RAD54L2: variants seen among roughly 807,000 people sequenced by gnomAD.
RAD54L2 encodes RAD54 like 2, also known as helicase ARIP4.
In RAD54L2, 27 loss-of-function variants were observed where a neutral mutation model predicts 138.4. The ratio of observed to expected loss-of-function variants is 0.20; its 90% confidence interval spans 0.14 to 0.27. RAD54L2 has a LOEUF of 0.27. Ranked by LOEUF, RAD54L2 falls within the 10% of genes least tolerant of loss-of-function variation. RAD54L2 has a pLI of 1.00. For synonymous variants in RAD54L2, 644 were observed against 723.2 expected (o/e 0.89, Z 1.76); for missense variants, 1,396 against 1,890.2 (o/e 0.74, Z 4.85).
rs1188738827 is a variant in RAD54L2, at chr3:51,592,090, G to A, written c.139+1531G>A. ...TTTTTTTTTTTTTTTTTTTGAGATGGAGTTTTGCTCGTTGCCCAGGCTGGA... is the reference window on the plus strand; with the variant it reads ...TTTTTTTTTTTTTTTTTTTGAGATGAAGTTTTGCTCGTTGCCCAGGCTGGA... On this transcript the variant is annotated intron_variant, in intron 3 of 22. Coordinates refer to ENST00000684192, the MANE Select transcript of RAD54L2 (RefSeq NM_015106.4). Among the ~76,000 whole-genome samples the A allele has an allele frequency of 5.1e-5, 6 of 117,204 alleles. No individual in the cohort carries two copies. In the East Asian group the frequency reaches 1.9e-3, roughly 37 times the overall value. The allele number at this position is 117,204 out of a possible 152,430, so 76.9% of individuals were successfully genotyped here.
intron 2 of RAD54L2, among the ~76,000 whole-genome samples, chr3:51,581,491 A>G (rs890161850): frequency 1.3e-5 from 2 of 152,242 alleles, no homozygotes; most frequent in African/African-American, 4.8e-5. Flanking sequence ...TTTCAGGATC[A>G]TGTCTGGTGA....
At chr3:51,608,691 C>T (rs527805975) in intron 3 of RAD54L2, among the ~76,000 whole-genome samples, 9 of 152,280 alleles carry the variant, frequency 5.9e-5, no homozygotes, top group Non-Finnish European at 1.3e-4. Flanking sequence ...TCAGGTGTGG[C>T]GGCGCACGCC....
At chr3:51,627,073 G>C (rs1433270523) in intron 3 of RAD54L2, among the ~76,000 whole-genome samples, 1 of 152,134 alleles carries the variant, frequency 6.6e-6, no homozygotes, top group Non-Finnish European at 1.5e-5. Flanking sequence ...AAGCGTCTAG[G>C]ATATTGCTTG....
At position 51,667,169 on chromosome 3, in the gene RAD54L2, C is replaced by CT. The variant is rs79443431; in HGVS notation, c.*3763dup. The CT allele has an allele frequency of 5.4e-3, 777 of 142,950 alleles. 9 individuals carry two copies. The highest frequency in any genetic ancestry group is 0.022 in the South Asian group (99 of 4,534). The allele number at this position is 142,950 out of a possible 1,614,324, so 8.9% of individuals were successfully genotyped here. ...GATATTACCTTCTGCTTCCCACTTC[C>CT]TTTTTTTTTTTTTTGAGACAGAGTC... On this transcript the variant is annotated 3_prime_UTR_variant, in exon 23 of 23. Transcript: ENST00000684192.
chr3:51,586,178 A>G (rs574545732), intron 2 of RAD54L2, among the ~76,000 whole-genome samples: 2 of 151,584 alleles, frequency 1.3e-5, no homozygotes, highest in East Asian at 3.9e-4. Context: ...GCTGCCCACC[A>G]AGACCAGCCT....
chr3:51,553,482 T>C (rs1266311416), intron 2 of RAD54L2, among the ~76,000 whole-genome samples: 2 of 152,196 alleles, frequency 1.3e-5, no homozygotes, highest in East Asian at 1.9e-4. Flanking sequence ...AAAGCAAATA[T>C]TGCAATAAAG....
intron 2 of RAD54L2, among the ~76,000 whole-genome samples, chr3:51,562,453 C>T (rs1422254445): frequency 6.6e-6 from 1 of 152,162 alleles, no homozygotes; most frequent in African/African-American, 2.4e-5. Context: ...TGGTTTTGAA[C>T]TCTGGACCTC....
In RAD54L2 at chr3:51,645,534, G is replaced by A; in HGVS notation, c.2657-57G>A. On this transcript the variant is annotated intron_variant, in intron 17 of 22. Transcript: ENST00000684192. This position sits in a 1 kb window ranked among gnomAD's most constrained non-coding sequence, Gnocchi z 6.1. ...TATGGGATGACTTTTCATTATTAGT[G>A]ACCTTTACAGTTTTTAATGCCATGT... 2.7e-6 allele frequency: 4 copies of A among 1,473,522 alleles called. No individual in the cohort carries two copies. Among genetic ancestry groups the A allele is most frequent in the Non-Finnish European group, 3.7e-6 (4 of 1,092,306 alleles). The allele number at this position is 1,473,522 out of a possible 1,614,324, so 91.3% of individuals were successfully genotyped here. A position where few individuals can be genotyped will look rare whatever the true frequency, so the allele number is the denominator to read the frequency against.
At chr3:51,561,406 C>T (rs1170149681) in intron 2 of RAD54L2, among the ~76,000 whole-genome samples, 4 of 151,958 alleles carry the variant, frequency 2.6e-5, no homozygotes, top group South Asian at 2.1e-4. Flanking sequence ...CCGCCATGCC[C>T]GGCTAATTTT....
intron 3 of RAD54L2, among the ~76,000 whole-genome samples, chr3:51,598,742 C>T (rs1297580120): frequency 1.3e-5 from 2 of 151,908 alleles, no homozygotes; most frequent in African/African-American, 4.8e-5. Context: ...GGTGACAGAG[C>T]GAGACTCTGT....
chr3:51,539,488 T>G (rs1447975880), intron 1 of RAD54L2, among the ~76,000 whole-genome samples: 1 of 152,128 alleles, frequency 6.6e-6, no homozygotes, highest in Admixed American at 6.5e-5. Flanking sequence ...AGCAGAGAGC[T>G]GGATCCTCCG....
intron 3 of RAD54L2, among the ~76,000 whole-genome samples, chr3:51,620,299 A>G (rs201287255): frequency 3.5e-4 from 40 of 115,618 alleles, no homozygotes; most frequent in East Asian, 1.3e-3. Flanking sequence ...CAGTTTCTCT[A>G]TGTTGCCCAG....
intron 3 of RAD54L2, among the ~76,000 whole-genome samples, chr3:51,622,359 G>C (rs1228677130): frequency 1.3e-5 from 2 of 152,030 alleles, no homozygotes; most frequent in East Asian, 3.9e-4. Context: ...TCTTTGGGAG[G>C]CTTTTTGTAA....
chr3:51,590,688 C>A (rs1699821531), intron 3 of RAD54L2, 129 bp downstream of exon 3: 1 of 1,251,698 alleles, frequency 8.0e-7, no homozygotes, highest in South Asian at 1.3e-5. Flanking sequence ...AGACTAGGAA[C>A]TGAGATGCAA....
intron 3 of RAD54L2, among the ~76,000 whole-genome samples, chr3:51,606,014 G>GGA (rs1275680602): frequency 6.6e-6 from 1 of 152,188 alleles, no homozygotes; most frequent in Non-Finnish European, 1.5e-5. Context: ...GGGGAAAGAA[G>GGA]GAGAGAGCAT....
rs1559650991 is a variant in RAD54L2 at position 51,645,861 on chromosome 3, A to T, written c.2829+98A>T. On this transcript the variant is annotated intron_variant, in intron 18 of 22. Transcript: ENST00000684192. This position sits in a 1 kb window ranked among gnomAD's most constrained non-coding sequence, Gnocchi z 6.1. ...TTTTCTTCATCTGAGGTGATGTTTC[A>T]TGCAGGTGACTTGGACTCAAGGACT... is the stretch of plus-strand genomic sequence containing the variant. 7.7e-7 allele frequency: 1 copy of T among 1,296,322 alleles called. No individual in the cohort carries two copies. Among genetic ancestry groups the T allele is most frequent in the Admixed American group, 2.8e-5 (1 of 35,216 alleles). The allele number at this position is 1,296,322 out of a possible 1,614,324, so 80.3% of individuals were successfully genotyped here. A position where few individuals can be genotyped will look rare whatever the true frequency, so the allele number is the denominator to read the frequency against.
At chr3:51,629,221 CCTT>C in intron 4 of RAD54L2, 110 bp from the exon 5 acceptor site, 2 of 1,227,832 alleles carry the variant, frequency 1.6e-6, no homozygotes, top group South Asian at 1.5e-5. Context: ...TGTGGCTTCT[CCTT>C]CTCCCGCCTC....
At chr3:51,629,719 C>T (rs532967207) in intron 5 of RAD54L2, among the ~76,000 whole-genome samples, 5 of 152,006 alleles carry the variant, frequency 3.3e-5, no homozygotes, top group South Asian at 2.1e-4. Context: ...AAAAATTAGC[C>T]GGGCGTGGTG....
chr3:51,560,185 C>T (rs979880273), intron 2 of RAD54L2, among the ~76,000 whole-genome samples: 1 of 152,078 alleles, frequency 6.6e-6, no homozygotes, highest in African/African-American at 2.4e-5. Context: ...ATATGTGTGG[C>T]ATCTGGTTTT....
Sources: allele counts gnomAD v4.1 joint callset (sites outside exome capture counted in the v4.1 genomes callset), GRCh38; gene constraint gnomAD v4.1.1; non-coding constraint Gnocchi (gnomAD v3.1); transcripts MANE v1.5; gene names NCBI Gene and HGNC (gene_info 2026-07-23, HGNC 2026-07-21).